Variants in RIN3 observed in about 807,000 individuals in gnomAD.
RIN3 encodes Ras and Rab interactor 3.
In RIN3, 54 loss-of-function variants were observed where a neutral mutation model predicts 76.3. That is an observed-to-expected ratio of 0.71 (90% CI 0.57 to 0.89). The LOEUF (loss-of-function observed/expected upper bound fraction) is 0.89, where lower values mean the gene tolerates loss of function less well. RIN3 is among the 40% of genes least tolerant of loss of function. The pLI is 0.00. For synonymous variants in RIN3, 576 were observed against 564.0 expected, an observed-to-expected ratio of 1.02 and a Z score of -0.30; for missense variants, 1,256 against 1,322.1, an observed-to-expected ratio of 0.95 and a Z score of 0.78.
chr14:92,520,790 A>T (rs61977343), intron 1 of RIN3, among the ~76,000 whole-genome samples: 7,221 of 152,268 alleles, frequency 0.047, 229 homozygotes, highest in East Asian at 0.082. Flanking sequence ...TACAGGGAAC[A>T]AGCTGTCAAG....
At position 92,664,004 on chromosome 14, in the gene RIN3, A is replaced by C. The variant is rs34396533; in HGVS notation, c.2335+4535A>C. ...TTGTGAGGGTCAAAGTTTATGAATG[A>C]GCGTCTAGATGTTAGGATACAGGAA... On this transcript the variant is annotated intron_variant, in intron 7 of 9. Transcript: ENST00000216487. Among the ~76,000 whole-genome samples, 70 of 152,222 alleles carry C rather than the reference A, an allele frequency of 4.6e-4. 1 individual carries two copies. Among genetic ancestry groups the C allele is most frequent in the Admixed American group, 7.8e-4 (12 of 15,300 alleles).
intron 1 of RIN3, among the ~76,000 whole-genome samples, chr14:92,531,483 G>T (rs1354791145): frequency 6.6e-6 from 1 of 152,244 alleles, no homozygotes. Context: ...CCTGGTGGTA[G>T]AATTTCTAGC....
chr14:92,653,429 G>A (rs909865630), intron 6 of RIN3, among the ~76,000 whole-genome samples: 5 of 152,156 alleles, frequency 3.3e-5, no homozygotes, highest in African/African-American at 7.2e-5. Flanking sequence ...AGGGCCCGGC[G>A]AGATCTGGCT....
rs1437676617 is a variant in RIN3, at chr14:92,575,705, GGAC to G, written c.250-1651_250-1649del. 2.6e-5 allele frequency among the ~76,000 whole-genome samples: 4 copies of G among 152,192 alleles called. No homozygotes were observed. The East Asian group carries it at 7.7e-4, about 29-fold the overall frequency. On this transcript the variant is annotated intron_variant, in intron 2 of 9. Coordinates refer to ENST00000216487, the MANE Select transcript of RIN3 (RefSeq NM_024832.5). ...ATAATTAGCACATAATGAGCAGTGA[GGAC>G]GACCAGAGGTCACTTTGGTCACCAT...
At chr14:92,546,256 G>A (rs1159366211) in intron 1 of RIN3, among the ~76,000 whole-genome samples, 2 of 152,258 alleles carry the variant, frequency 1.3e-5, no homozygotes, top group East Asian at 3.9e-4. Flanking sequence ...ATAAATAATA[G>A]GTGTACATAT....
In RIN3 at chr14:92,652,010, C is replaced by A. The variant is rs561310631; in HGVS notation, c.961C>A (p.His321Asn). ...LPTSPPVPAPHVTPHAPGPPD... is the reference protein window; with the variant it reads ...LPTSPPVPAPNVTPHAPGPPD... ...CACCTCTCCCCCAGTGCCTGCCCCCCACGTCACACCCCATGCCCCAGGTCC... is the reference window on the plus strand; with the variant it reads ...CACCTCTCCCCCAGTGCCTGCCCCCAACGTCACACCCCATGCCCCAGGTCC... Residue 321 changes from histidine to asparagine, a missense_variant, in exon 6 of 10, where the codon CAC becomes AAC. Transcript: ENST00000216487. The surrounding 1 kb of genome is among the most constrained non-coding windows in gnomAD (Gnocchi z 6.4). 2.5e-6 allele frequency: 4 copies of A among 1,573,218 alleles called. No homozygotes were observed. Among genetic ancestry groups the A allele is most frequent in the Admixed American group, 1.7e-5 (1 of 59,294 alleles).
rs545081391 is a variant in RIN3 at position 92,536,735 on chromosome 14, C to T, written c.45-19016C>T. Among the ~76,000 whole-genome samples, 48 of 124,562 alleles carry T rather than the reference C, an allele frequency of 3.9e-4. 1 individual carries two copies. The East Asian group carries it at 4.4e-3, about 11-fold the overall frequency. The allele number at this position is 124,562 out of a possible 152,430, so 81.7% of individuals were successfully genotyped here. ...CCAGCCTGGTGACAGAGCAAGACTC[C>T]GTCTCAGAAAAAAAAAAAAAAAAAA... On this transcript the variant is annotated intron_variant, in intron 1 of 9. Coordinates refer to ENST00000216487, the MANE Select transcript of RIN3 (RefSeq NM_024832.5).
intron 7 of RIN3, among the ~76,000 whole-genome samples, chr14:92,672,087 G>A (rs1328672192): frequency 6.6e-6 from 1 of 152,158 alleles, no homozygotes; most frequent in African/African-American, 2.4e-5. Flanking sequence ...CTGGCTAAAA[G>A]TCAGGAGTGC....
chr14:92,527,811 T>C (rs1193294444), intron 1 of RIN3, among the ~76,000 whole-genome samples: 3 of 152,186 alleles, frequency 2.0e-5, no homozygotes, highest in Non-Finnish European at 4.4e-5. Flanking sequence ...CTGCCTGGGT[T>C]GTCGTGTGAC....
rs148485360 is a variant in RIN3, at chr14:92,643,012, A to G, written c.532+1683A>G. Among the ~76,000 whole-genome samples, 191 of 152,198 alleles carry G rather than the reference A, an allele frequency of 1.3e-3. 4 individuals are homozygous for G. In the East Asian group the frequency reaches 0.034, roughly 27 times the overall value. On this transcript the variant is annotated intron_variant, in intron 5 of 9. Transcript: ENST00000216487. The surrounding 1 kb of genome is among the most constrained non-coding windows in gnomAD (Gnocchi z 4.8). ...CACATGGCAGAGCTTGGATGAACCC[A>G]GGCCGTTTAGCTCCCACACCTGCCA... is the stretch of plus-strand genomic sequence containing the variant.
intron 2 of RIN3, among the ~76,000 whole-genome samples, chr14:92,558,764 G>A (rs932621197): frequency 4.6e-5 from 7 of 152,262 alleles, no homozygotes; most frequent in African/African-American, 1.4e-4. Context: ...TATCCCACCG[G>A]AAGGGTGAGG....
At position 92,572,800 on chromosome 14, in the gene RIN3, G is replaced by T. The variant is rs138933865; in HGVS notation, c.250-4560G>T. 2.2e-4 allele frequency among the ~76,000 whole-genome samples: 33 copies of T among 152,046 alleles called. No homozygotes were observed. In the East Asian group the frequency reaches 5.2e-3, roughly 24 times the overall value. On this transcript the variant is annotated intron_variant, in intron 2 of 9. Coordinates refer to ENST00000216487, the MANE Select transcript of RIN3 (RefSeq NM_024832.5). ...TATCCAGCCAGGTCCAAGGGAGATAGGCAGAACTTTGCCTCTGCCATGACC... is the reference window on the plus strand; with the variant it reads ...TATCCAGCCAGGTCCAAGGGAGATATGCAGAACTTTGCCTCTGCCATGACC...
intron 1 of RIN3, among the ~76,000 whole-genome samples, chr14:92,535,334 C>CT (rs5810602): frequency 0.012 from 1,574 of 129,974 alleles, 24 homozygotes; most frequent in Admixed American, 0.034. Flanking sequence ...TTCTTTCTTT[C>CT]TTTTTTTTTT....
chr14:92,567,076 A>T (rs367749366), intron 2 of RIN3, among the ~76,000 whole-genome samples: 7 of 152,102 alleles, frequency 4.6e-5, no homozygotes, highest in African/African-American at 1.7e-4. Context: ...GACACTAATA[A>T]GTGATGTGAC....
chr14:92,625,490 T>C lies in RIN3; in HGVS notation c.440+10011T>C, dbSNP rs76210237. On this transcript the variant is annotated intron_variant, in intron 4 of 9. Coordinates refer to ENST00000216487, the MANE Select transcript of RIN3 (RefSeq NM_024832.5). ...GTAATACTTTAACCACATTATTAGC[T>C]GTTGCGGGGAGGGGAATGGCTTCAA... Among the ~76,000 whole-genome samples the C allele has an allele frequency of 3.1e-3, 466 of 152,324 alleles. 7 individuals carry two copies. The East Asian group carries it at 0.041, about 13-fold the overall frequency.
chr14:92,632,833 T>C (rs904428012), intron 4 of RIN3, among the ~76,000 whole-genome samples: 1 of 152,022 alleles, frequency 6.6e-6, no homozygotes, highest in Admixed American at 6.5e-5. Context: ...CGCCTGGCAG[T>C]GGGAAAGCTA....
chr14:92,544,603 C>T (rs923797720), intron 1 of RIN3, among the ~76,000 whole-genome samples: 12 of 152,198 alleles, frequency 7.9e-5, no homozygotes, highest in African/African-American at 2.7e-4. Context: ...GGACAGGGCA[C>T]TGGCAGAAGG....
intron 3 of RIN3, among the ~76,000 whole-genome samples, chr14:92,606,807 A>G (rs568462974): frequency 6.0e-4 from 92 of 152,228 alleles, no homozygotes; most frequent in Non-Finnish European, 1.1e-3. Context: ...GTGGGAATAT[A>G]AAATGGTGCT....
At chr14:92,535,692 TTAGAC>T (rs1896982590) in intron 1 of RIN3, among the ~76,000 whole-genome samples, 1 of 116,784 alleles carries the variant, frequency 8.6e-6, no homozygotes, top group African/African-American at 3.3e-5. Context: ...TTTTTTTTTT[TTAGAC>T]AGAGTCTTGC....
Sources: allele counts gnomAD v4.1 joint callset (sites outside exome capture counted in the v4.1 genomes callset), GRCh38; gene constraint gnomAD v4.1.1; non-coding constraint Gnocchi (gnomAD v3.1); transcripts MANE v1.5; gene names NCBI Gene and HGNC (gene_info 2026-07-23, HGNC 2026-07-21).